Variants in RAB10 observed in about 807,000 individuals in gnomAD.
The protein encoded by RAB10 is ras-related protein Rab-10.
Under a neutral mutation model 25.7 loss-of-function variants are expected in RAB10, and 5 were observed. That is an observed-to-expected ratio of 0.19 (90% confidence interval 0.10 to 0.41). The LOEUF (loss-of-function observed/expected upper bound fraction) is 0.41. RAB10 is among the 10% of genes least tolerant of loss of function. The pLI, the probability that RAB10 is intolerant of heterozygous loss-of-function variation, is 1.00. For synonymous variants in RAB10, 89 were observed against 86.4 expected, an observed-to-expected ratio of 1.03 and a Z score of -0.16; for missense variants, 103 against 245.8, an observed-to-expected ratio of 0.42 and a Z score of 3.89.
At chr2:26,107,903 A>G (rs1667499555) in intron 2 of RAB10, among the ~76,000 whole-genome samples, 1 of 152,154 alleles carries the variant, frequency 6.6e-6, no homozygotes, top group African/African-American at 2.4e-5. Flanking sequence ...AAATAAACAC[A>G]TGAAAAAATG....
At chr2:26,070,416 C>G (rs1263107040) in intron 1 of RAB10, among the ~76,000 whole-genome samples, 1 of 152,180 alleles carries the variant, frequency 6.6e-6, no homozygotes, top group African/African-American at 2.4e-5. Context: ...CTTAAAGTGA[C>G]TATCTTTTTG....
intron 1 of RAB10, among the ~76,000 whole-genome samples, chr2:26,050,449 C>A (rs953060163): frequency 6.6e-6 from 1 of 152,122 alleles, no homozygotes; most frequent in Admixed American, 6.6e-5. Context: ...TTCATAATTA[C>A]GTACCTTGGT....
chr2:26,088,297 CT>C (rs1667029287), intron 1 of RAB10, among the ~76,000 whole-genome samples: 1 of 152,158 alleles, frequency 6.6e-6, no homozygotes, highest in Non-Finnish European at 1.5e-5. Flanking sequence ...GTGGCTGATA[CT>C]GTTTTTCTCT....
At position 26,073,910 on chromosome 2, in the gene RAB10, A is replaced by C. The variant is rs545859859; in HGVS notation, c.128-24752A>C. On this transcript the variant is annotated intron_variant, in intron 1 of 5. Transcript: ENST00000264710. The stretch of plus-strand genomic sequence containing the variant: ...ATCAATATAAATAAAGGGAGATTAC[A>C]ATGGGTACATTGATTACAGTTTAGA... Among the ~76,000 whole-genome samples the C allele has an allele frequency of 4.3e-4, 65 of 152,334 alleles. 2 individuals carry two copies. In the South Asian group the frequency reaches 0.013, roughly 30 times the overall value.
At chr2:26,059,694 A>G (rs1053289333) in intron 1 of RAB10, among the ~76,000 whole-genome samples, 9 of 152,226 alleles carry the variant, frequency 5.9e-5, no homozygotes, top group Non-Finnish European at 1.0e-4. Context: ...TAACAGCACT[A>G]TTCACAATAG....
chr2:26,086,511 A>T (rs1310478268), intron 1 of RAB10, among the ~76,000 whole-genome samples: 1 of 152,260 alleles, frequency 6.6e-6, no homozygotes, highest in African/African-American at 2.4e-5. Flanking sequence ...GCTCATGTGA[A>T]TGTAAAATGG....
At chr2:26,038,955 G>A (rs770202472) in intron 1 of RAB10, among the ~76,000 whole-genome samples, 2 of 145,868 alleles carry the variant, frequency 1.4e-5, no homozygotes, top group East Asian at 2.0e-4. Context: ...CTACCATTGC[G>A]TTTAACCAGT....
chr2:26,077,049 A>G (rs1193441618), intron 1 of RAB10, among the ~76,000 whole-genome samples: 1 of 152,136 alleles, frequency 6.6e-6, no homozygotes, highest in Non-Finnish European at 1.5e-5. Flanking sequence ...TTAATTACAC[A>G]TGCCAAATTT....
chr2:26,038,341 T>C lies in RAB10; in HGVS notation c.127+3606T>C, dbSNP rs544121756. On this transcript the variant is annotated intron_variant, in intron 1 of 5. Transcript: ENST00000264710. ...CCTCCTGAGTAGCTGGGATTACAGGTGCGCACCACCACGCCTGGCCAATTT... is the reference window on the plus strand; with the variant it reads ...CCTCCTGAGTAGCTGGGATTACAGGCGCGCACCACCACGCCTGGCCAATTT... Among the ~76,000 whole-genome samples the C allele has an allele frequency of 4.3e-4, 65 of 151,554 alleles. 2 individuals are homozygous for C. The South Asian group carries it at 0.013, about 30-fold the overall frequency.
At chr2:26,051,747 C>T (rs972080047) in intron 1 of RAB10, among the ~76,000 whole-genome samples, 4 of 149,148 alleles carry the variant, frequency 2.7e-5, no homozygotes, top group African/African-American at 9.9e-5. Flanking sequence ...AAGCGAGACT[C>T]CGTCTCCAAA....
rs1352264611 is a variant in RAB10 at position 26,109,852 on chromosome 2, C to T, written c.273C>T (p.Ile91=). Residue 91 remains isoleucine (I), a synonymous_variant, in exon 3 of 6, where the codon ATC becomes ATT. Transcript: ENST00000264710. ...GAMGIMLVYD[I]TNGKSFENIS... Reference sequence around the variant, plus strand: ...TGGGTATCATGCTAGTATATGACATCACCAATGGTAAAAGTTTTGAAAACA... The same window carrying T: ...TGGGTATCATGCTAGTATATGACATTACCAATGGTAAAAGTTTTGAAAACA... 1 of 1,610,274 alleles carries T rather than the reference C, an allele frequency of 6.2e-7. No individual in the cohort carries two copies. The highest frequency in any genetic ancestry group is 8.5e-7 in the Non-Finnish European group (1 of 1,178,446).
chr2:26,067,236 G>T (rs1366179418), intron 1 of RAB10, among the ~76,000 whole-genome samples: 1 of 152,136 alleles, frequency 6.6e-6, no homozygotes, highest in African/African-American at 2.4e-5. Context: ...TGCTTCTTCA[G>T]ATTTGCTGCT....
At chr2:26,038,348 C>A (rs540434407) in intron 1 of RAB10, among the ~76,000 whole-genome samples, 4 of 151,866 alleles carry the variant, frequency 2.6e-5, no homozygotes, top group Admixed American at 2.6e-4. Flanking sequence ...AGGTGCGCAC[C>A]ACCACGCCTG....
intron 2 of RAB10, among the ~76,000 whole-genome samples, chr2:26,100,798 C>T (rs1349702359): frequency 6.6e-6 from 1 of 151,968 alleles, no homozygotes; most frequent in Non-Finnish European, 1.5e-5. Context: ...TTTGTCTATA[C>T]CCAAAATACC....
chr2:26,073,860 C>T (rs376939569), intron 1 of RAB10, among the ~76,000 whole-genome samples: 4 of 151,984 alleles, frequency 2.6e-5, no homozygotes, highest in Admixed American at 6.6e-5. Context: ...TGAATAGAAT[C>T]GGAGGGTTTC....
chr2:26,098,640 T>A, intron 1 of RAB10, 22 bp from the exon 2 acceptor site: 1 of 1,537,600 alleles, frequency 6.5e-7, no homozygotes, highest in Non-Finnish European at 9.0e-7. Context: ...AGTTACAGTT[T>A]ACCTTTTTTT....
At chr2:26,065,573 AT>A (rs544176593) in intron 1 of RAB10, among the ~76,000 whole-genome samples, 102 of 152,292 alleles carry the variant, frequency 6.7e-4, no homozygotes, top group African/African-American at 2.3e-3. Context: ...ATATTTAATG[AT>A]TTTAAAAAAC....
At chr2:26,072,815 T>A (rs774599416) in intron 1 of RAB10, among the ~76,000 whole-genome samples, 25 of 152,254 alleles carry the variant, frequency 1.6e-4, no homozygotes, top group Non-Finnish European at 3.1e-4. Flanking sequence ...AATATAGTAA[T>A]TTTTAACAAA....
At chr2:26,119,898 A>G (rs1288049116) in intron 3 of RAB10, among the ~76,000 whole-genome samples, 2 of 152,222 alleles carry the variant, frequency 1.3e-5, no homozygotes, top group African/African-American at 4.8e-5. Flanking sequence ...AATTATACCT[A>G]TTTCCTCACT....
Sources: allele counts gnomAD v4.1 joint callset (sites outside exome capture counted in the v4.1 genomes callset), GRCh38; gene constraint gnomAD v4.1.1; transcripts MANE v1.5; gene names NCBI Gene and HGNC (gene_info 2026-07-23, HGNC 2026-07-21).